The following HINFP variants were observed in gnomAD, a reference collection of about 807,000 sequenced individuals.
The protein encoded by HINFP is histone H4 transcription factor, also known as MBD2 (methyl-CpG-binding protein)-interacting zinc finger protein.
HINFP carries 20 observed loss-of-function variants against 50.1 expected under a neutral mutation model. That is an observed-to-expected ratio of 0.40 (90% confidence interval 0.28 to 0.58). HINFP has a LOEUF of 0.58. Among genes scored for constraint, HINFP ranks in the 20% least tolerant of loss-of-function variants. HINFP has a pLI of 0.45. For synonymous variants in HINFP, 247 were observed against 243.7 expected (o/e 1.01, Z -0.13); for missense variants, 505 against 664.1 (o/e 0.76, Z 2.63).
Position 119,134,623 on chromosome 11 carries a change from C to A in HINFP, c.*125C>A. ...GGAGTGGTGCCGAGAGCAGTGTGGT[C>A]CACTCTGGCCTGGGTTTGCATCATT... On this transcript the variant is annotated 3_prime_UTR_variant, in exon 10 of 10. Transcript: ENST00000350777. This position sits in a 1 kb window ranked among gnomAD's most constrained non-coding sequence, Gnocchi z 4.3. 4.4e-6 allele frequency: 3 copies of A among 688,330 alleles called. No homozygotes were observed. Among genetic ancestry groups the A allele is most frequent in the Non-Finnish European group, 7.1e-6 (3 of 422,470 alleles). The allele number at this position is 688,330 out of a possible 1,614,324, so 42.6% of individuals were successfully genotyped here. A position where few individuals can be genotyped will look rare whatever the true frequency, so the allele number is the denominator to read the frequency against.
In HINFP at chr11:119,131,297, C is replaced by T. The variant is rs763246548; in HGVS notation, c.412-238C>T. The T allele has an allele frequency of 1.7e-6, 1 of 574,990 alleles. No homozygotes were observed. Among genetic ancestry groups the T allele is most frequent in the Non-Finnish European group, 3.2e-6 (1 of 317,292 alleles). 35.6% of individuals were successfully genotyped at this position (574,990 alleles called of 1,614,324 possible). On this transcript the variant is annotated intron_variant, in intron 3 of 9. Transcript: ENST00000350777. The surrounding 1 kb of genome is among the most constrained non-coding windows in gnomAD (Gnocchi z 4.2). ...AGAGACAAGGTCTGGGTGTGTTGCC[C>T]AGGCCGGTCTCGAACTCTTGGCCTC...
chr11:119,130,731 A>C lies in HINFP; in HGVS notation c.188A>C (p.Glu63Ala). The change falls in exon 3 of 10, where the codon GAA (glutamate) becomes GCA (alanine). Residue 63 changes from glutamate to alanine, a missense_variant. Glu to Ala is a moderately radical substitution (Grantham distance 107, BLOSUM62 -1). Transcript: ENST00000350777. ...EEEEDDPLEE[E>A]FSCLWQECGF... ...TTTAAACCCCTTTCTACAGAGGAAGAATTCTCCTGCTTGTGGCAGGAATGT... is the reference window on the plus strand; with the variant it reads ...TTTAAACCCCTTTCTACAGAGGAAGCATTCTCCTGCTTGTGGCAGGAATGT... 1 of 1,614,056 alleles carries C rather than the reference A, an allele frequency of 6.2e-7. No individual in the cohort carries two copies. The highest frequency in any genetic ancestry group is 8.5e-7 in the Non-Finnish European group (1 of 1,179,860).
At position 119,132,797 on chromosome 11, in the gene HINFP, GACCAGAAAACAGC is replaced by G. The variant is rs1218574767; in HGVS notation, c.875+17_875+29del. The G allele has an allele frequency of 1.9e-6, 3 of 1,613,464 alleles. No homozygotes were observed. The African/African-American group carries it at 4.0e-5, about 22-fold the overall frequency. ...GTGACTACAGGTAAGGGGGACCAGG[GACCAGAAAACAGC>G]TCATGTTCCAGTGTTCCCCATGTCC... On this transcript the variant is annotated intron_variant, in intron 7 of 9. Transcript: ENST00000350777.
At chr11:119,130,047 T>C (rs1014063537) in intron 2 of HINFP, 1 of 152,346 alleles carries the variant, frequency 6.6e-6, no homozygotes, top group African/African-American at 2.4e-5. Context: ...TTAGGGATGC[T>C]AGAGAGATAG....
At chr11:119,132,333 C>CT (rs1947808774) in intron 5 of HINFP, 163 bp from the exon 6 acceptor site, 1 of 672,788 alleles carries the variant, frequency 1.5e-6, no homozygotes, top group South Asian at 1.9e-5. Flanking sequence ...CTCAGGTTCT[C>CT]TAAGTCCCAT....
chr11:119,123,908 A>G (rs985239903), intron 1 of HINFP: 4 of 151,810 alleles, frequency 2.6e-5, no homozygotes, highest in Non-Finnish European at 4.4e-5. Context: ...GATGGTCTCA[A>G]TCTCCTGACC....
In HINFP at chr11:119,127,013, C is replaced by T; in HGVS notation, c.69C>T (p.Ser23=). 6.2e-7 allele frequency: 1 copy of T among 1,614,148 alleles called. No individual in the cohort carries two copies. Among genetic ancestry groups the T allele is most frequent in the Non-Finnish European group, 8.5e-7 (1 of 1,180,030 alleles). The change falls in exon 2 of 10, where the codon TCC becomes TCT. Residue 23 remains serine, a synonymous_variant. Coordinates refer to ENST00000350777, the MANE Select transcript of HINFP (RefSeq NM_198971.3). ...TACAGTGTGAGTGGGGGTCCTGCTC[C>T]TTTGTGTGCTCAACCATGGAAAAGT... is the stretch of plus-strand genomic sequence containing the variant. The part of the protein sequence containing the change: ...LWLQCEWGSC[S]FVCSTMEKFF...
rs1461521521 is a variant in HINFP, at chr11:119,134,478, C to T, written c.1534C>T (p.Pro512Ser). Residue 512 changes from proline (P) to serine (S), a missense_variant, in exon 10 of 10, where the codon CCA becomes TCA. By Grantham distance (74) the Pro-to-Ser change is moderately conservative (BLOSUM62 -1). Transcript: ENST00000350777. The surrounding 1 kb of genome is among the most constrained non-coding windows in gnomAD (Gnocchi z 4.3). Reference protein sequence around the residue: ...MEKLQGIAEEPEIQMV With the variant: ...MEKLQGIAEESEIQMV ...AAAGCTTCAAGGAATAGCTGAGGAG[C>T]CAGAGATCCAGATGGTTTGAAGGCC... is the stretch of plus-strand genomic sequence containing the variant. The T allele has an allele frequency of 6.2e-7, 1 of 1,604,956 alleles. No individual in the cohort carries two copies. Among genetic ancestry groups the T allele is most frequent in the Non-Finnish European group, 8.5e-7 (1 of 1,174,366 alleles).
At position 119,131,971 on chromosome 11, in the gene HINFP, C is replaced by T; in HGVS notation, c.665C>T (p.Thr222Ile). The T allele has an allele frequency of 6.2e-7, 1 of 1,614,060 alleles. No homozygotes were observed. The highest frequency in any genetic ancestry group is 8.5e-7 in the Non-Finnish European group (1 of 1,180,008). Residue 222 changes from threonine (T) to isoleucine (I), a missense_variant, in exon 5 of 10, where the codon ACC becomes ATC. Transcript: ENST00000350777. The surrounding 1 kb of genome is among the most constrained non-coding windows in gnomAD (Gnocchi z 4.2). The stretch of plus-strand genomic sequence containing the variant: ...TTCTTAGATCACATCCGTCGCCAGA[C>T]CTCATTGGATCGTAAGTAGTCAGAG... ...TKFLDHIRRQTSLDQQHFQCS... is the reference protein window; with the variant it reads ...TKFLDHIRRQISLDQQHFQCS...
intron 2 of HINFP, 98 bp from the exon 3 acceptor site, chr11:119,130,627 C>T (rs1219576084): frequency 9.6e-6 from 10 of 1,046,978 alleles, no homozygotes; most frequent in East Asian, 7.1e-5. Context: ...AGCCTCCTCA[C>T]GAGTCCAGCC....
intron 7 of HINFP, 38 bp from the exon 8 acceptor site, chr11:119,132,825 TC>T (rs1947848487): frequency 4.3e-6 from 7 of 1,613,996 alleles, no homozygotes; most frequent in Non-Finnish European, 5.9e-6. Flanking sequence ...GTTCCAGTGT[TC>T]CCCATGTCCT....
chr11:119,131,836 C>T lies in HINFP; in HGVS notation c.530C>T (p.Thr177Ile). The T allele has an allele frequency of 1.2e-6, 2 of 1,613,988 alleles. No homozygotes were observed. Among genetic ancestry groups the T allele is most frequent in the African/African-American group, 1.3e-5 (1 of 75,030 alleles). ...PVVLCGWKGC[T>I]CTFKDRSKLR... ...GATAGGGCTTCCTTCCCAGGCTGTA[C>T]CTGCACCTTCAAGGACCGCAGTAAA... Residue 177 changes from threonine to isoleucine, a missense_variant, in exon 5 of 10, where the codon ACC becomes ATC. By Grantham distance (89) the Thr-to-Ile change is moderately conservative. Coordinates refer to ENST00000350777, the MANE Select transcript of HINFP (RefSeq NM_198971.3). The surrounding 1 kb of genome is among the most constrained non-coding windows in gnomAD (Gnocchi z 4.2).
intron 5 of HINFP, 30 bp from the exon 6 acceptor site, chr11:119,132,466 C>A: frequency 1.2e-6 from 2 of 1,610,354 alleles, no homozygotes; most frequent in Non-Finnish European, 1.7e-6. Flanking sequence ...TCACCTACAG[C>A]CCTCCTTTCT....
Position 119,131,725 on chromosome 11 carries a change from TCCTACA to T in HINFP, c.523+80_523+85del. The T allele has an allele frequency of 2.5e-6, 4 of 1,586,172 alleles. No individual in the cohort carries two copies. Among genetic ancestry groups the T allele is most frequent in the Non-Finnish European group, 3.5e-6 (4 of 1,155,786 alleles). The stretch of plus-strand genomic sequence containing the variant: ...GAGCTGGGACAGAAAGGGATAGGGG[TCCTACA>T]GGGGCAAGGTTGACTGCCGGCTGGA... On this transcript the variant is annotated intron_variant, in intron 4 of 9. Transcript: ENST00000350777. This position sits in a 1 kb window ranked among gnomAD's most constrained non-coding sequence, Gnocchi z 4.2.
At chr11:119,129,959 T>C (rs1947661528) in intron 2 of HINFP, 1 of 152,150 alleles carries the variant, frequency 6.6e-6, no homozygotes, top group African/African-American at 2.4e-5. Context: ...AAAGGCAAAA[T>C]TGGGGAATGA....
chr11:119,133,358 A>G (rs1433528726), intron 9 of HINFP, 139 bp downstream of exon 9: 1 of 1,026,558 alleles, frequency 9.7e-7, no homozygotes, highest in East Asian at 2.4e-5. Context: ...AGGTGGGCGG[A>G]TCATGAGGTC....
intron 2 of HINFP, 85 bp from the exon 3 acceptor site, chr11:119,130,640 C>T (rs1947698511): frequency 5.7e-6 from 7 of 1,232,986 alleles, no homozygotes; most frequent in Non-Finnish European, 7.1e-6. Context: ...GTCCAGCCTC[C>T]TCACTCTCTG....
rs1351808927 is a variant in HINFP, at chr11:119,135,220, A to T, written c.*722A>T. 6.6e-6 allele frequency: 1 copy of T among 152,126 alleles called. No individual in the cohort carries two copies. Among genetic ancestry groups the T allele is most frequent in the Non-Finnish European group, 1.5e-5 (1 of 68,078 alleles). The allele number at this position is 152,126 out of a possible 1,614,324, so 9.4% of individuals were successfully genotyped here. ...GTCTTCTCCTCCTCCCCTTGGTGAA[A>T]CTTCGCTATTCTCAGAGCGTATGCC... On this transcript the variant is annotated 3_prime_UTR_variant, in exon 10 of 10. Transcript: ENST00000350777.
chr11:119,126,821 T>A, intron 1 of HINFP, 114 bp from the exon 2 acceptor site: 1 of 823,006 alleles, frequency 1.2e-6, no homozygotes, highest in South Asian at 1.7e-5. Context: ...GGGTTTCTCA[T>A]GGGTCACTGG....
Sources: allele counts gnomAD v4.1 joint callset, GRCh38; gene constraint gnomAD v4.1.1; non-coding constraint Gnocchi (gnomAD v3.1); transcripts MANE v1.5; gene names NCBI Gene and HGNC (gene_info 2026-07-23, HGNC 2026-07-21).